The following KIAA1217 variants were observed in gnomAD, a reference collection of about 807,000 sequenced individuals.
The protein encoded by KIAA1217 is sickle tail protein homolog.
KIAA1217 carries 88 observed loss-of-function variants against 163.9 expected under a neutral mutation model. The ratio of observed to expected loss-of-function variants is 0.54; its 90% CI spans 0.45 to 0.64. The LOEUF is 0.64. Ranked by LOEUF, KIAA1217 falls within the 30% of genes least tolerant of loss-of-function variation. The pLI is 0.00. For missense variants in KIAA1217, 2,372 were observed against 2,475.0 expected (o/e 0.96, Z 0.88); for synonymous variants, 903 against 923.1 (o/e 0.98, Z 0.39).
intron 1 of KIAA1217, among the ~76,000 whole-genome samples, chr10:23,968,851 C>G (rs1385516226): frequency 6.6e-6 from 1 of 152,106 alleles, no homozygotes; most frequent in East Asian, 1.9e-4. Flanking sequence ...TAAAGATACA[C>G]TATATTTTAT....
At chr10:23,891,414 G>A (rs577302620) in intron 1 of KIAA1217, among the ~76,000 whole-genome samples, 36 of 151,898 alleles carry the variant, frequency 2.4e-4, no homozygotes, top group Non-Finnish European at 1.9e-4. Flanking sequence ...GACCACACAC[G>A]TTTAAACCTT....
chr10:24,073,616 G>A (rs1056076778), intron 2 of KIAA1217, among the ~76,000 whole-genome samples: 2 of 152,198 alleles, frequency 1.3e-5, no homozygotes, highest in Non-Finnish European at 2.9e-5. Flanking sequence ...GGAAGAGACA[G>A]CGATGCACTG....
intron 1 of KIAA1217, among the ~76,000 whole-genome samples, chr10:23,790,752 GAGAC>G (rs972265952): frequency 5.4e-5 from 8 of 149,182 alleles, no homozygotes; most frequent in Non-Finnish European, 8.9e-5. Context: ...TGTAAAATCT[GAGAC>G]AGGGTCTCCC....
intron 1 of KIAA1217, among the ~76,000 whole-genome samples, chr10:23,793,008 AT>A (rs1210223165): frequency 6.7e-6 from 1 of 149,356 alleles, no homozygotes; most frequent in Non-Finnish European, 1.5e-5. Flanking sequence ...GGGTTGAATG[AT>A]TTTCCAGGAA....
chr10:23,718,196 TC>T (rs1379848126), intron 1 of KIAA1217, among the ~76,000 whole-genome samples: 1 of 152,202 alleles, frequency 6.6e-6, no homozygotes, highest in African/African-American at 2.4e-5. Context: ...GAATTTCCTC[TC>T]TTTTTACCTT....
intron 2 of KIAA1217, among the ~76,000 whole-genome samples, chr10:24,195,051 G>A (rs1288072640): frequency 6.6e-6 from 1 of 152,064 alleles, no homozygotes; most frequent in Admixed American, 6.5e-5. Flanking sequence ...TCCCCTCCCT[G>A]CCAGGCCACC....
At position 24,010,872 on chromosome 10, in the gene KIAA1217, G is replaced by A. The variant is rs79684684; in HGVS notation, c.-171+3498G>A. Among the ~76,000 whole-genome samples, 1,230 of 152,196 alleles carry A rather than the reference G, an allele frequency of 8.1e-3. 15 individuals carry two copies. Among genetic ancestry groups the A allele is most frequent in the African/African-American group, 0.028 (1,162 of 41,516 alleles). ...GGGGGTTCCAGCTGGTCATGGAAGG[G>A]AAGCAAAGGAAGTGCAGAATGACCA... is the stretch of plus-strand genomic sequence containing the variant. On this transcript the variant is annotated intron_variant, in intron 2 of 18. Transcript: ENST00000376462.
At position 23,919,947 on chromosome 10, in the gene KIAA1217, T is replaced by C. The variant is rs566409531; in HGVS notation, c.-320-87278T>C. 4.8e-4 allele frequency among the ~76,000 whole-genome samples: 73 copies of C among 152,244 alleles called. No homozygotes were observed. In the Middle Eastern group the frequency reaches 0.014, roughly 28 times the overall value. On this transcript the variant is annotated intron_variant, in intron 1 of 18. Coordinates refer to the KIAA1217 transcript ENST00000376462. The stretch of plus-strand genomic sequence containing the variant: ...TTGTTGACATCTCAGACACAATTTT[T>C]ACAGGGCACAATCCAGAAAGAGAGG...
At position 24,032,479 on chromosome 10, in the gene KIAA1217, C is replaced by T. The variant is rs568247161; in HGVS notation, c.-171+25105C>T. 4.7e-4 allele frequency among the ~76,000 whole-genome samples: 71 copies of T among 152,146 alleles called. No individual in the cohort carries two copies. The South Asian group carries it at 0.015, about 31-fold the overall frequency. On this transcript the variant is annotated intron_variant, in intron 2 of 18. Transcript: ENST00000376462. ...CCAGGCTGTTCTCCAACTCCGAGGC[C>T]CAAGTGATCCACCTCTTAAAGTGCT...
intron 9 of KIAA1217, among the ~76,000 whole-genome samples, chr10:24,508,648 C>G (rs752467913): frequency 6.6e-6 from 1 of 152,154 alleles, no homozygotes; most frequent in Non-Finnish European, 1.5e-5. Flanking sequence ...TCACAAGAAT[C>G]AAGTCAATGT....
intron 1 of KIAA1217, among the ~76,000 whole-genome samples, chr10:23,885,466 T>G (rs1841130300): frequency 1.3e-5 from 2 of 151,762 alleles, no homozygotes; most frequent in Admixed American, 6.6e-5. Flanking sequence ...TGACAGAGAG[T>G]AGATTTGAAG....
Position 23,810,424 on chromosome 10 carries a change from C to T in KIAA1217, c.-321+115190C>T, listed in dbSNP as rs186223906. 5.3e-3 allele frequency among the ~76,000 whole-genome samples: 761 copies of T among 142,678 alleles called. 4 individuals carry two copies. Among genetic ancestry groups the T allele is most frequent in the South Asian group, 0.016 (75 of 4,660 alleles). The allele number at this position is 142,678 out of a possible 152,430, so 93.6% of individuals were successfully genotyped here. The stretch of plus-strand genomic sequence containing the variant: ...TCTCTCTATAATATATATACACACA[C>T]GCTATATGTACTATATATAGATTAT... On this transcript the variant is annotated intron_variant, in intron 1 of 18. Coordinates refer to the KIAA1217 transcript ENST00000376462.
chr10:24,247,289 G>GT (rs1175671233), intron 2 of KIAA1217, among the ~76,000 whole-genome samples: 1 of 151,862 alleles, frequency 6.6e-6, no homozygotes, highest in African/African-American at 2.4e-5. Flanking sequence ...TTTCATTTTA[G>GT]TTTTTTAAAT....
rs377727051 is a variant in KIAA1217 at position 24,531,927 on chromosome 10, G to A, written c.3180G>A (p.Ser1060=). 16 of 1,609,960 alleles carry A rather than the reference G, an allele frequency of 9.9e-6. No homozygotes were observed. The highest frequency in any genetic ancestry group is 4.5e-5 in the East Asian group (2 of 44,728). The change falls in exon 15 of 21, where the codon TCG becomes TCA. Residue 1060 remains serine (S), a synonymous_variant. Transcript: ENST00000376454. The part of the protein sequence containing the change: ...PPPRRSYLPG[S]GLTTTRSGDV... ...CTCGTCGAAGCTACCTGCCAGGATC[G>A]GGACTCACCACCACGAGGTCAGGCG...
intron 2 of KIAA1217, among the ~76,000 whole-genome samples, chr10:24,022,063 AC>A (rs1419671444): frequency 1.3e-5 from 2 of 151,616 alleles, no homozygotes; most frequent in Non-Finnish European, 3.0e-5. Context: ...AATATACAAC[AC>A]AAAAGCAAGG....
chr10:24,081,026 A>T (rs547172774), intron 2 of KIAA1217, among the ~76,000 whole-genome samples: 11 of 152,336 alleles, frequency 7.2e-5, no homozygotes, highest in Middle Eastern at 3.4e-3. Context: ...CATTGCACTG[A>T]AAATGAAGCT....
chr10:23,866,051 A>T (rs906485003), intron 1 of KIAA1217, among the ~76,000 whole-genome samples: 1 of 152,108 alleles, frequency 6.6e-6, no homozygotes, highest in Non-Finnish European at 1.5e-5. Flanking sequence ...TCATGATTTT[A>T]TATACTTGGA....
At chr10:23,727,320 G>A (rs565132910) in intron 1 of KIAA1217, among the ~76,000 whole-genome samples, 1 of 150,302 alleles carries the variant, frequency 6.7e-6, no homozygotes, top group South Asian at 2.1e-4. Flanking sequence ...CAGCACTTTG[G>A]GAGGCCAAGG....
At chr10:24,238,599 G>A (rs1487035387) in intron 2 of KIAA1217, among the ~76,000 whole-genome samples, 1 of 152,092 alleles carries the variant, frequency 6.6e-6, no homozygotes, top group Non-Finnish European at 1.5e-5. Context: ...CATAGAAGCC[G>A]AGGGGAAATG....
Sources: gnomAD v4.1 joint callset for allele counts (sites outside exome capture counted in the v4.1 genomes callset) on GRCh38, gnomAD v4.1.1 for gene constraint, MANE v1.5 for transcripts, NCBI Gene and HGNC (gene_info 2026-07-23, HGNC 2026-07-21) for gene names.